The following EXOC1 variants were observed in gnomAD, a reference collection of about 807,000 sequenced individuals.
EXOC1 encodes exocyst complex component 1.
A neutral mutation model predicts 107.7 loss-of-function variants in EXOC1; 67 were observed. The ratio of observed to expected loss-of-function variants is 0.62; its 90% CI spans 0.51 to 0.76. EXOC1 has a LOEUF of 0.76. Among genes scored for constraint, EXOC1 ranks in the 30% least tolerant of loss-of-function variants. EXOC1 has a pLI of 0.00. For synonymous variants in EXOC1, 348 were observed against 353.5 expected (o/e 0.98, Z 0.17); for missense variants, 833 against 1,055.7 (o/e 0.79, Z 2.92).
rs780472170 is a variant in EXOC1, at chr4:55,871,187, T to C, written c.918T>C (p.Asn306=). The C allele has an allele frequency of 1.6e-5, 26 of 1,613,808 alleles. No homozygotes were observed. The highest frequency in any genetic ancestry group is 2.0e-5 in the Non-Finnish European group (24 of 1,179,890). Residue 306 remains asparagine (N), a synonymous_variant, in exon 7 of 19, where the codon AAT becomes AAC. Transcript: ENST00000381295. ...CCAGAGGCATTGAGGCCTGCACCAA[T>C]GCTGCTGATGCCCTTCTGCAGTGCA... ...ASSRGIEACT[N]AADALLQCMN... is the part of the protein sequence containing the mutation.
At position 55,897,232 on chromosome 4, in the gene EXOC1, T is replaced by G. The variant is rs181646518; in HGVS notation, c.2137+332T>G. On this transcript the variant is annotated intron_variant, in intron 16 of 18. Transcript: ENST00000381295. ...ACCTCCACCTCCCAGGCTCAAAAGA[T>G]CCTCCTACCTCACCCTCCCAAGTAG... Among the ~76,000 whole-genome samples, 10 of 151,394 alleles carry G rather than the reference T, an allele frequency of 6.6e-5. No individual in the cohort carries two copies. In the East Asian group the frequency reaches 2.0e-3, roughly 30 times the overall value.
rs557357173 is a variant in EXOC1, at chr4:55,888,829, C to G, written c.1331-59C>G. 14 of 1,567,532 alleles carry G rather than the reference C, an allele frequency of 8.9e-6. No individual in the cohort carries two copies. In the East Asian group the frequency reaches 2.0e-4, roughly 23 times the overall value. ...AACTTCCTCTTGTGCATGGTTTGTG[C>G]AAATTGCAGTTTATTAACTTGTCTT... On this transcript the variant is annotated intron_variant, in intron 10 of 18. Coordinates refer to ENST00000381295, the MANE Select transcript of EXOC1 (RefSeq NM_001024924.2).
At position 55,899,825 on chromosome 4, in the gene EXOC1, A is replaced by G. The variant is rs1725684923; in HGVS notation, c.2278A>G (p.Thr760Ala). The G allele has an allele frequency of 1.2e-6, 2 of 1,613,168 alleles. No homozygotes were observed. Among genetic ancestry groups the G allele is most frequent in the Admixed American group, 1.7e-5 (1 of 59,978 alleles). ...AEKKEAKQKYTDHLQSYVIYS... is the reference protein window; with the variant it reads ...AEKKEAKQKYADHLQSYVIYS... Reference sequence around the variant, plus strand: ...AAAAAAAGAAGCCAAACAAAAATACACAGATCACCTTCAGTCTTATGTCAT... The same window carrying G: ...AAAAAAAGAAGCCAAACAAAAATACGCAGATCACCTTCAGTCTTATGTCAT... The change falls in exon 17 of 19, where the codon ACA becomes GCA. Residue 760 changes from threonine (T) to alanine (A), a missense_variant. By Grantham distance (58) the Thr-to-Ala change is moderately conservative. Coordinates refer to ENST00000381295, the MANE Select transcript of EXOC1 (RefSeq NM_001024924.2).
chr4:55,872,067 C>G, intron 8 of EXOC1, 109 bp downstream of exon 8: 19 of 960,154 alleles, frequency 2.0e-5, no homozygotes. Context: ...GCAGTCAATT[C>G]CTTCACATAT....
intron 8 of EXOC1, among the ~76,000 whole-genome samples, chr4:55,875,176 C>T (rs372820995): frequency 6.6e-5 from 10 of 152,290 alleles, no homozygotes; most frequent in African/African-American, 2.4e-4. Flanking sequence ...TCTCAACATA[C>T]ATATACAGAA....
intron 8 of EXOC1, chr4:55,876,159 T>A (rs1722877836): frequency 1.0e-6 from 1 of 985,270 alleles, no homozygotes; most frequent in African/African-American, 1.7e-5. Context: ...TCTTTATTGT[T>A]AGCCCTTACA....
intron 18 of EXOC1, among the ~76,000 whole-genome samples, chr4:55,904,008 T>TA (rs964928575): frequency 6.6e-6 from 1 of 152,152 alleles, no homozygotes; most frequent in Non-Finnish European, 1.5e-5. Flanking sequence ...TTGGAGTATA[T>TA]AAGATAATAG....
chr4:55,878,546 A>G (rs1290981324), intron 9 of EXOC1, among the ~76,000 whole-genome samples: 1 of 152,228 alleles, frequency 6.6e-6, no homozygotes, highest in Non-Finnish European at 1.5e-5. Context: ...TAAAACAATC[A>G]GCAAAAAATT....
chr4:55,871,982 C>T lies in EXOC1; in HGVS notation c.1074+24C>T, dbSNP rs116871749. On this transcript the variant is annotated intron_variant, in intron 8 of 18. Transcript: ENST00000381295. ...AGGTAATTTTATTTTATTATTAAAA[C>T]GAGCATGTTCCTATAGCTTATTTAT... 944 of 1,591,988 alleles carry T rather than the reference C, an allele frequency of 5.9e-4. 10 individuals carry two copies. In the East Asian group the frequency reaches 0.019, roughly 32 times the overall value.
At chr4:55,903,147 T>TAAA (rs10544843) in intron 18 of EXOC1, among the ~76,000 whole-genome samples, 3 of 98,498 alleles carry the variant, frequency 3.0e-5, no homozygotes, top group Admixed American at 1.1e-4. Context: ...GTGTCTCAAT[T>TAAA]AAAAAAAAAA....
intron 17 of EXOC1, 32 bp downstream of exon 17, chr4:55,899,916 C>T (rs771859831): frequency 3.8e-6 from 6 of 1,569,938 alleles, no homozygotes; most frequent in Admixed American, 1.8e-5. Context: ...ATTTTTCCTA[C>T]TTTTGAACCT....
At chr4:55,876,582 G>A in intron 8 of EXOC1, 3 of 984,526 alleles carry the variant, frequency 3.0e-6, no homozygotes, top group Non-Finnish European at 3.6e-6. Context: ...AAGGGATTAT[G>A]GACCTATTAA....
chr4:55,895,985 C>T (rs551953932), intron 15 of EXOC1, among the ~76,000 whole-genome samples: 1 of 152,246 alleles, frequency 6.6e-6, no homozygotes, highest in East Asian at 1.9e-4. Context: ...TGGCCACCAA[C>T]CAGAAGTTAC....
chr4:55,899,902 C>G lies in EXOC1; in HGVS notation c.2337+18C>G, dbSNP rs1484842918. On this transcript the variant is annotated intron_variant, in intron 17 of 18. Coordinates refer to ENST00000381295, the MANE Select transcript of EXOC1 (RefSeq NM_001024924.2). ...AACTAAATGTAAATATATTTTCATT[C>G]AGTATTTTTCCTACTTTTGAACCTA... is the stretch of plus-strand genomic sequence containing the variant. 6.3e-7 allele frequency: 1 copy of G among 1,582,028 alleles called. No individual in the cohort carries two copies. The highest frequency in any genetic ancestry group is 1.1e-5 in the South Asian group (1 of 88,170).
chr4:55,896,342 C>A (rs765574431), intron 15 of EXOC1, among the ~76,000 whole-genome samples: 1 of 151,814 alleles, frequency 6.6e-6, no homozygotes, highest in African/African-American at 2.4e-5. Context: ...TTTGTAGAGA[C>A]GAAAATGGCC....
At chr4:55,898,014 G>T (rs1182204702) in intron 16 of EXOC1, among the ~76,000 whole-genome samples, 1 of 152,184 alleles carries the variant, frequency 6.6e-6, no homozygotes, top group Non-Finnish European at 1.5e-5. Context: ...GCAGCACTTT[G>T]GAAGGACCAG....
At chr4:55,887,105 G>A (rs909391772) in intron 10 of EXOC1, among the ~76,000 whole-genome samples, 7 of 152,068 alleles carry the variant, frequency 4.6e-5, no homozygotes, top group African/African-American at 1.7e-4. Flanking sequence ...TGAAATGACA[G>A]GGAAAGGAAA....
chr4:55,879,981 T>C (rs1202061734), intron 9 of EXOC1, among the ~76,000 whole-genome samples: 1 of 152,168 alleles, frequency 6.6e-6, no homozygotes, highest in Non-Finnish European at 1.5e-5. Flanking sequence ...GGAATGAGAA[T>C]ATTGGAATTG....
At chr4:55,882,609 G>T (rs370835634) in intron 9 of EXOC1, 5 of 152,092 alleles carry the variant, frequency 3.3e-5, no homozygotes, top group African/African-American at 1.2e-4. Context: ...AATGTATATG[G>T]CATACAAATT....
Sources: allele counts gnomAD v4.1 joint callset (sites outside exome capture counted in the v4.1 genomes callset), GRCh38; gene constraint gnomAD v4.1.1; transcripts MANE v1.5; gene names NCBI Gene and HGNC (gene_info 2026-07-23, HGNC 2026-07-21).